Variants in PRRG1 observed in about 807,000 individuals in gnomAD.
PRRG1 encodes the protein transmembrane gamma-carboxyglutamic acid protein 1.
PRRG1 carries 5 observed loss-of-function variants against 11.8 expected under a neutral mutation model. That is an observed-to-expected ratio of 0.42 (90% CI 0.22 to 0.89). The LOEUF (loss-of-function observed/expected upper bound fraction) is 0.89, where lower values mean the gene tolerates loss of function less well. Among genes scored for constraint, PRRG1 ranks in the 40% least tolerant of loss-of-function variants. PRRG1 has a pLI of 0.28. For missense variants in PRRG1, 155 were observed against 166.1 expected (o/e 0.93, Z 0.37); for synonymous variants, 66 against 60.4 (o/e 1.09, Z -0.43).
rs782131428 is a variant in PRRG1 at position 37,454,738 on chromosome X, A to G, written c.*1117A>G. ...AAGTCCATGTTATGCTAGGTGCACA[A>G]TAAATCTAGTAATAGCCCCACACAG... is the stretch of plus-strand genomic sequence containing the variant. On this transcript the variant is annotated 3_prime_UTR_variant, in exon 4 of 4. Coordinates refer to ENST00000378628, the MANE Select transcript of PRRG1 (RefSeq NM_001142395.2). The G allele has an allele frequency of 3.7e-4, 41 of 111,949 alleles. No individual in the cohort carries two copies. Among genetic ancestry groups the G allele is most frequent in the Non-Finnish European group, 3.4e-4 (18 of 53,263 alleles). The allele number at this position is 111,949 out of a possible 1,213,427, so 9.2% of individuals were successfully genotyped here. A position where few individuals can be genotyped will look rare whatever the true frequency, so the allele number is the denominator to read the frequency against.
chrX:37,404,408 T>G (rs1932125882), intron 1 of PRRG1, among the ~76,000 whole-genome samples: 1 of 112,146 alleles, frequency 8.9e-6, no homozygotes, highest in Non-Finnish European at 1.9e-5. Context: ...GACATAATGA[T>G]TATTTCATTT....
intron 3 of PRRG1, among the ~76,000 whole-genome samples, chrX:37,433,217 A>C (rs1391544698): frequency 2.7e-5 from 3 of 111,560 alleles, no homozygotes; most frequent in Non-Finnish European, 5.6e-5. Context: ...CAAAGTGCTC[A>C]GAATCACCCA....
intron 1 of PRRG1, among the ~76,000 whole-genome samples, chrX:37,405,546 G>GA (rs1932160532): frequency 9.7e-6 from 1 of 103,107 alleles, no homozygotes; most frequent in Non-Finnish European, 2.0e-5. Flanking sequence ...ATGTATGAGT[G>GA]TTTTTTTTTT....
At chrX:37,389,396 G>A (rs781815763) in intron 1 of PRRG1, among the ~76,000 whole-genome samples, 3 of 111,381 alleles carry the variant, frequency 2.7e-5, no homozygotes, top group African/African-American at 9.8e-5. Context: ...ATGAGACTGG[G>A]TAATTTATAA....
chrX:37,429,907 TGAG>T (rs1392876871), intron 3 of PRRG1, among the ~76,000 whole-genome samples: 1 of 111,451 alleles, frequency 9.0e-6, no homozygotes, highest in Non-Finnish European at 1.9e-5. Context: ...CAAGACAAAA[TGAG>T]GAAGAAACAA....
intron 1 of PRRG1, among the ~76,000 whole-genome samples, 187 bp from the exon 2 acceptor site, chrX:37,406,022 T>C (rs782634696): frequency 1.8e-5 from 2 of 112,066 alleles, no homozygotes; most frequent in Non-Finnish European, 3.8e-5. Context: ...TCCAGAATAT[T>C]GTGCTTCTGT....
intron 3 of PRRG1, among the ~76,000 whole-genome samples, chrX:37,443,106 G>A (rs1411486019): frequency 8.9e-6 from 1 of 111,836 alleles, no homozygotes; most frequent in Non-Finnish European, 1.9e-5. Flanking sequence ...CCAGATGAGA[G>A]CCTAGTGTGG....
At chrX:37,393,329 TATTA>T (rs1353232295) in intron 1 of PRRG1, among the ~76,000 whole-genome samples, 2 of 109,045 alleles carry the variant, frequency 1.8e-5, no homozygotes, top group East Asian at 2.8e-4. Flanking sequence ...TTATATTTAA[TATTA>T]ATTATACATA....
intron 1 of PRRG1, among the ~76,000 whole-genome samples, chrX:37,359,796 C>G (rs1256500662): frequency 9.0e-6 from 1 of 111,624 alleles, no homozygotes; most frequent in Non-Finnish European, 1.9e-5. Context: ...GTTTCAATTT[C>G]TTTAGTATAG....
At chrX:37,432,321 C>T (rs192450357) in intron 3 of PRRG1, among the ~76,000 whole-genome samples, 28,117 of 110,213 alleles carry the variant, frequency 0.26, 5,999 homozygotes, top group African/African-American at 0.72. Context: ...CTCCTGACCT[C>T]ATGATCCGCC....
intron 1 of PRRG1, among the ~76,000 whole-genome samples, chrX:37,363,520 A>G (rs142625056): frequency 0.024 from 2,688 of 111,965 alleles, 78 homozygotes; most frequent in African/African-American, 0.081. Context: ...GCTAAAAAAT[A>G]TTTGTTGAAT....
intron 2 of PRRG1, among the ~76,000 whole-genome samples, chrX:37,411,858 A>G (rs1556383974): frequency 8.9e-6 from 1 of 112,196 alleles, no homozygotes; most frequent in Non-Finnish European, 1.9e-5. Flanking sequence ...ATACAAAGCA[A>G]TATCTGGAAT....
chrX:37,438,625 C>T (rs1214347707), intron 3 of PRRG1, among the ~76,000 whole-genome samples: 1 of 109,697 alleles, frequency 9.1e-6, no homozygotes, highest in Non-Finnish European at 1.9e-5. Flanking sequence ...TTAGTAGAGA[C>T]GAGGTTTCAC....
intron 1 of PRRG1, among the ~76,000 whole-genome samples, chrX:37,386,265 T>C (rs1931324425): frequency 8.9e-6 from 1 of 112,688 alleles, no homozygotes; most frequent in African/African-American, 3.2e-5. Flanking sequence ...GGACATCCTT[T>C]TTTATTTTTT....
chrX:37,444,330 G>A (rs1447299828), intron 3 of PRRG1, among the ~76,000 whole-genome samples: 1 of 111,717 alleles, frequency 9.0e-6, no homozygotes, highest in Non-Finnish European at 1.9e-5. Context: ...AGGTCACTGC[G>A]GATTCTTCTT....
At chrX:37,360,165 T>C (rs1930370527) in intron 1 of PRRG1, among the ~76,000 whole-genome samples, 1 of 111,999 alleles carries the variant, frequency 8.9e-6, no homozygotes, top group Admixed American at 9.5e-5. Flanking sequence ...GCTTCAATTG[T>C]ATTATTTCTT....
chrX:37,399,535 T>A (rs1931871599), intron 1 of PRRG1, among the ~76,000 whole-genome samples: 2 of 109,385 alleles, frequency 1.8e-5, no homozygotes, highest in Non-Finnish European at 3.8e-5. Flanking sequence ...TCATGCCAAA[T>A]TGTAAAGACC....
chrX:37,366,429 A>T (rs1356685499), intron 1 of PRRG1, among the ~76,000 whole-genome samples: 1 of 112,146 alleles, frequency 8.9e-6, no homozygotes, highest in East Asian at 2.8e-4. Flanking sequence ...CAGCACCATG[A>T]TCCATTGCTT....
chrX:37,421,066 A>T (rs1036743144), intron 2 of PRRG1, among the ~76,000 whole-genome samples: 5 of 111,508 alleles, frequency 4.5e-5, no homozygotes, highest in Non-Finnish European at 9.4e-5. Flanking sequence ...GGCAGAGGTC[A>T]TCTGCTACCC....
Sources: gnomAD v4.1 joint callset for allele counts (sites outside exome capture counted in the v4.1 genomes callset) on GRCh38, gnomAD v4.1.1 for gene constraint, MANE v1.5 for transcripts, NCBI Gene and HGNC (gene_info 2026-07-23, HGNC 2026-07-21) for gene names.